The following GABPB2 variants were observed in gnomAD, a reference collection of about 807,000 sequenced individuals.
GABPB2 encodes the protein GA-binding protein subunit beta-2.
GABPB2 carries 23 observed loss-of-function variants against 39.1 expected under a neutral mutation model. The observed-to-expected ratio is 0.59, with a 90% confidence interval of 0.42 to 0.83. The LOEUF is 0.83. Ranked by LOEUF, GABPB2 falls within the 40% of genes least tolerant of loss-of-function variation. The pLI is 0.00. For missense variants in GABPB2, 467 were observed against 541.1 expected (o/e 0.86, Z 1.36); for synonymous variants, 184 against 199.3 (o/e 0.92, Z 0.65).
intron 1 of GABPB2, among the ~76,000 whole-genome samples, chr1:151,082,136 G>A (rs1219822562): frequency 6.7e-6 from 1 of 148,824 alleles, no homozygotes; most frequent in African/African-American, 2.5e-5. Flanking sequence ...GAGTGCAGTG[G>A]TGCGATCTCG....
In GABPB2 at chr1:151,093,253, A is replaced by G. The variant is rs1340147051; in HGVS notation, c.338A>G (p.Glu113Gly). The change falls in exon 4 of 9, where the codon GAG becomes GGG. Residue 113 changes from glutamate (E) to glycine (G), a missense_variant. Physicochemically the swap from Glu to Gly is moderately conservative, Grantham distance 98 (BLOSUM62 -2). Coordinates refer to ENST00000368918, the MANE Select transcript of GABPB2 (RefSeq NM_144618.3). ...LKMTALHWATERHHRDVVELL... is the reference protein window; with the variant it reads ...LKMTALHWATGRHHRDVVELL... Reference sequence around the variant, plus strand: ...ATGACAGCTTTGCATTGGGCCACAGAGCGCCACCATCGAGATGTCGTAGAG... The same window carrying G: ...ATGACAGCTTTGCATTGGGCCACAGGGCGCCACCATCGAGATGTCGTAGAG... 5.0e-6 allele frequency: 8 copies of G among 1,611,628 alleles called. No individual in the cohort carries two copies. The highest frequency in any genetic ancestry group is 5.9e-6 in the Non-Finnish European group (7 of 1,179,176).
intron 7 of GABPB2, among the ~76,000 whole-genome samples, chr1:151,111,312 C>T (rs924252874): frequency 1.9e-4 from 29 of 151,498 alleles, no homozygotes; most frequent in African/African-American, 5.3e-4. Flanking sequence ...GGCGCAATCT[C>T]GGCTCACTGC....
chr1:151,117,680 C>T (rs1680981426), intron 8 of GABPB2, among the ~76,000 whole-genome samples, 164 bp downstream of exon 8: 1 of 152,114 alleles, frequency 6.6e-6, no homozygotes, highest in African/African-American at 2.4e-5. Context: ...GCCTCCCGGG[C>T]TCAAGTGATT....
At chr1:151,105,697 G>T (rs1472190646) in intron 6 of GABPB2, among the ~76,000 whole-genome samples, 1 of 151,906 alleles carries the variant, frequency 6.6e-6, no homozygotes, top group African/African-American at 2.4e-5. Flanking sequence ...AAATTTGGGG[G>T]GATGGTCTCA....
rs71577269 is a variant in GABPB2 at position 151,110,005 on chromosome 1, A to ATTTTTTTTT, written c.922+2812_922+2820dup. Among the ~76,000 whole-genome samples the ATTTTTTTTT allele has an allele frequency of 5.8e-4, 35 of 60,760 alleles. 7 individuals are homozygous for ATTTTTTTTT. The highest frequency in any genetic ancestry group is 1.2e-3 in the Non-Finnish European group (34 of 28,830). The allele number at this position is 60,760 out of a possible 152,430, so 39.9% of individuals were successfully genotyped here. ...AATCATGTGCCACCATGCCCAGCTA[A>ATTTTTTTTT]TTTTTTTTTTTTTTTTTTTTTTTTT... On this transcript the variant is annotated intron_variant, in intron 7 of 8. Coordinates refer to ENST00000368918, the MANE Select transcript of GABPB2 (RefSeq NM_144618.3).
At position 151,118,389 on chromosome 1, in the gene GABPB2, G is replaced by A; in HGVS notation, c.*133G>A. On this transcript the variant is annotated 3_prime_UTR_variant, in exon 9 of 9. Transcript: ENST00000368918. ...AACTATAGCAGGGTACAATGCTTGG[G>A]CTCAGGAAGTTTCTCTGTGCAACTA... 1.2e-6 allele frequency: 1 copy of A among 852,388 alleles called. No homozygotes were observed. 52.8% of individuals were successfully genotyped at this position (852,388 alleles called of 1,614,324 possible). A position where few individuals can be genotyped will look rare whatever the true frequency, so the allele number is the denominator to read the frequency against.
In GABPB2 at chr1:151,103,295, C is replaced by T. The variant is rs587618530; in HGVS notation, c.623-267C>T. Reference sequence around the variant, plus strand: ...TGAACTCCTGACCTCGTGATCCACCCGCCTCGGCCTCCCAAAGTGCTGGGA... The same window carrying T: ...TGAACTCCTGACCTCGTGATCCACCTGCCTCGGCCTCCCAAAGTGCTGGGA... On this transcript the variant is annotated intron_variant, in intron 5 of 8. Transcript: ENST00000368918. 9.2e-5 allele frequency among the ~76,000 whole-genome samples: 14 copies of T among 151,964 alleles called. No individual in the cohort carries two copies. The East Asian group carries it at 2.3e-3, about 25-fold the overall frequency.
chr1:151,089,481 T>C (rs2101485065), intron 2 of GABPB2, among the ~76,000 whole-genome samples: 1 of 152,334 alleles, frequency 6.6e-6, no homozygotes. Flanking sequence ...ACTTACTTAT[T>C]GCTGTTGATA....
intron 7 of GABPB2, chr1:151,111,899 C>G (rs61819219): frequency 0.59 from 88,997 of 149,812 alleles, 29,309 homozygotes; most frequent in East Asian, 0.89. Context: ...ATAATCCATT[C>G]AAGAGAGATC....
At chr1:151,076,387 G>A (rs587676235) in intron 1 of GABPB2, among the ~76,000 whole-genome samples, 1 of 152,196 alleles carries the variant, frequency 6.6e-6, no homozygotes, top group Non-Finnish European at 1.5e-5. Flanking sequence ...GTTAATCTAA[G>A]TTGCAGAAAA....
rs761424624 is a variant in GABPB2 at position 151,107,122 on chromosome 1, C to T, written c.822C>T (p.Thr274=). 2.5e-6 allele frequency: 4 copies of T among 1,613,164 alleles called. No homozygotes were observed. In the East Asian group the frequency reaches 6.7e-5, roughly 27 times the overall value. Residue 274 remains threonine (T), a synonymous_variant, in exon 7 of 9, where the codon ACC becomes ACT. Transcript: ENST00000368918. ...GGAGTGGAGGCCAGAGGGTCATCAC[C>T]ATAGTGACTGATGGAGTCCCTCTGG... ...VMGSGGQRVI[T]IVTDGVPLGN...
intron 4 of GABPB2, 118 bp from the exon 5 acceptor site, chr1:151,097,734 G>C: frequency 1.1e-6 from 1 of 922,772 alleles, no homozygotes; most frequent in South Asian, 1.7e-5. Context: ...AGCCAAGATC[G>C]TGCCACTGCA....
At chr1:151,076,400 A>T (rs1303729555) in intron 1 of GABPB2, among the ~76,000 whole-genome samples, 2 of 152,126 alleles carry the variant, frequency 1.3e-5, no homozygotes, top group African/African-American at 4.8e-5. Context: ...GCAGAAAAAA[A>T]CTTAAAAACA....
chr1:151,078,688 G>A (rs1192093892), intron 1 of GABPB2, among the ~76,000 whole-genome samples: 2 of 151,922 alleles, frequency 1.3e-5, no homozygotes, highest in Non-Finnish European at 2.9e-5. Context: ...TACCCAGGCT[G>A]GAGGGCAGTG....
chr1:151,095,788 C>CT (rs1679053378), intron 4 of GABPB2, among the ~76,000 whole-genome samples: 1 of 152,102 alleles, frequency 6.6e-6, no homozygotes, highest in Admixed American at 6.6e-5. Flanking sequence ...AATCCTAGCA[C>CT]TTTGGGAGGC....
chr1:151,117,251 C>T, intron 7 of GABPB2, 141 bp from the exon 8 acceptor site: 1 of 794,056 alleles, frequency 1.3e-6, no homozygotes, highest in Non-Finnish European at 2.0e-6. Flanking sequence ...CAGTCAGCTG[C>T]CTGAGTAGCT....
At chr1:151,078,319 C>T (rs904550464) in intron 1 of GABPB2, among the ~76,000 whole-genome samples, 6 of 150,798 alleles carry the variant, frequency 4.0e-5, no homozygotes, top group African/African-American at 9.8e-5. Context: ...TTACACTGGG[C>T]GCGGTGGCTC....
intron 2 of GABPB2, among the ~76,000 whole-genome samples, chr1:151,089,303 G>A (rs1678472058): frequency 6.6e-6 from 1 of 152,118 alleles, no homozygotes; most frequent in African/African-American, 2.4e-5. Context: ...GACCTGGAAA[G>A]AACAATGTGA....
At chr1:151,115,809 TA>T (rs1475835447) in intron 7 of GABPB2, among the ~76,000 whole-genome samples, 1 of 151,742 alleles carries the variant, frequency 6.6e-6, no homozygotes, top group Non-Finnish European at 1.5e-5. Flanking sequence ...CATCACTTTT[TA>T]AAAAACTTTT....
Sources: gnomAD v4.1 joint callset for allele counts (sites outside exome capture counted in the v4.1 genomes callset) on GRCh38, gnomAD v4.1.1 for gene constraint, MANE v1.5 for transcripts, NCBI Gene and HGNC (gene_info 2026-07-23, HGNC 2026-07-21) for gene names.